The following N4BP2L2 variants were observed in gnomAD, a reference collection of about 807,000 sequenced individuals.
The protein encoded by N4BP2L2 is NEDD4 binding protein 2 like 2.
Under a neutral mutation model 56.2 loss-of-function variants are expected in N4BP2L2, and 50 were observed. The observed-to-expected ratio is 0.89, with a 90% CI of 0.71 to 1.13. N4BP2L2 has a LOEUF of 1.13. Among genes scored for constraint, N4BP2L2 ranks in the 50% most tolerant of loss-of-function variants. N4BP2L2 has a pLI of 0.00. For missense variants in N4BP2L2, 689 were observed against 693.8 expected, an observed-to-expected ratio of 0.99 and a Z score of 0.08; for synonymous variants, 203 against 223.6, an observed-to-expected ratio of 0.91 and a Z score of 0.82.
chr13:32,515,785 G>T (rs1338055145), exon 6 of N4BP2L2: 1 of 151,708 alleles, frequency 6.6e-6, no homozygotes, highest in Non-Finnish European at 1.5e-5. Flanking sequence ...CTCACAGGCT[G>T]GAGTGCAAGT....
chr13:32,436,230 G>A (rs1468747341), intron 9 of N4BP2L2: 34 of 434,676 alleles, frequency 7.8e-5, no homozygotes, highest in Non-Finnish European at 4.6e-5. Flanking sequence ...AGGTTGCTAT[G>A]GTAACAAACT....
At chr13:32,474,649 C>T (rs1045049431) in intron 6 of N4BP2L2, among the ~76,000 whole-genome samples, 2 of 152,074 alleles carry the variant, frequency 1.3e-5, no homozygotes, top group East Asian at 1.9e-4. Flanking sequence ...GAGCCAAGAT[C>T]GTGCCACTGC....
chr13:32,472,328 A>G (rs1255667401), intron 6 of N4BP2L2, among the ~76,000 whole-genome samples: 7 of 152,230 alleles, frequency 4.6e-5, no homozygotes. Context: ...CGTCAATACT[A>G]AGAAGATTCC....
At chr13:32,462,491 G>T (rs2080308924) in intron 6 of N4BP2L2, among the ~76,000 whole-genome samples, 1 of 152,036 alleles carries the variant, frequency 6.6e-6, no homozygotes, top group Non-Finnish European at 1.5e-5. Flanking sequence ...AGAGAGGTTG[G>T]TTAATGAGCA....
intron 6 of N4BP2L2, among the ~76,000 whole-genome samples, chr13:32,484,242 G>A (rs755772407): frequency 6.6e-6 from 1 of 152,052 alleles, no homozygotes; most frequent in East Asian, 1.9e-4. Flanking sequence ...TGGGAGGATT[G>A]CTTCAGCCTA....
intron 2 of N4BP2L2, among the ~76,000 whole-genome samples, chr13:32,532,811 G>C (rs747584380): frequency 6.6e-6 from 1 of 150,896 alleles, no homozygotes; most frequent in Non-Finnish European, 1.5e-5. Context: ...GGATGGTCTC[G>C]ATCTCTTGAC....
intron 1 of N4BP2L2, among the ~76,000 whole-genome samples, chr13:32,537,485 C>A (rs1428253427): frequency 6.6e-6 from 1 of 152,134 alleles, no homozygotes; most frequent in African/African-American, 2.4e-5. Context: ...TTACTTAAAA[C>A]CACTGTGTTT....
intron 6 of N4BP2L2, among the ~76,000 whole-genome samples, chr13:32,503,087 C>T (rs899338178): frequency 2.1e-5 from 3 of 143,762 alleles, no homozygotes; most frequent in African/African-American, 7.8e-5. Context: ...GCAGGAGAAT[C>T]GCTTGAACCC....
At chr13:32,463,379 A>G (rs1278740443) in intron 6 of N4BP2L2, among the ~76,000 whole-genome samples, 1 of 152,102 alleles carries the variant, frequency 6.6e-6, no homozygotes, top group African/African-American at 2.4e-5. Context: ...GAAAGGGCAC[A>G]TAGGCCAGGT....
chr13:32,481,297 A>G (rs922185249), intron 6 of N4BP2L2, among the ~76,000 whole-genome samples: 1 of 152,086 alleles, frequency 6.6e-6, no homozygotes, highest in African/African-American at 2.4e-5. Context: ...AAGAGAGTGC[A>G]TAGTCAAAGC....
chr13:32,453,426 T>C (rs2078441646), intron 6 of N4BP2L2, among the ~76,000 whole-genome samples: 1 of 151,918 alleles, frequency 6.6e-6, no homozygotes, highest in African/African-American at 2.4e-5. Context: ...GGGCAAAATG[T>C]TTAATCAAGA....
exon 6 of N4BP2L2, chr13:32,517,786 G>C: frequency 1.9e-6 from 3 of 1,611,476 alleles, no homozygotes; most frequent in South Asian, 2.2e-5. Context: ...AAATGTGTTA[G>C]CTGAAAATAG....
At chr13:32,478,170 C>T (rs1422217885) in intron 6 of N4BP2L2, 2 of 667,044 alleles carry the variant, frequency 3.0e-6, no homozygotes, top group African/African-American at 3.8e-5. Context: ...AGAACTTGGG[C>T]AGGTAAAACA....
At chr13:32,533,178 G>A (rs1042351875) in intron 2 of N4BP2L2, among the ~76,000 whole-genome samples, 3 of 151,980 alleles carry the variant, frequency 2.0e-5, no homozygotes, top group African/African-American at 7.3e-5. Flanking sequence ...AACTTTATAG[G>A]CTTCTCAAAT....
chr13:32,501,291 T>C (rs561582174), intron 6 of N4BP2L2, among the ~76,000 whole-genome samples: 2 of 152,202 alleles, frequency 1.3e-5, no homozygotes, highest in East Asian at 3.9e-4. Flanking sequence ...TAACTACAGA[T>C]AGGCTGATAT....
intron 6 of N4BP2L2, among the ~76,000 whole-genome samples, chr13:32,503,818 G>A (rs952574403): frequency 6.6e-6 from 1 of 152,176 alleles, no homozygotes; most frequent in African/African-American, 2.4e-5. Context: ...GACCGAGGCA[G>A]GAGGATCACT....
At chr13:32,445,017 G>A (rs2076828574) in intron 6 of N4BP2L2, among the ~76,000 whole-genome samples, 1 of 152,214 alleles carries the variant, frequency 6.6e-6, no homozygotes, top group Non-Finnish European at 1.5e-5. Context: ...GGGAAGCTGA[G>A]GTAGGTGGAT....
intron 3 of N4BP2L2, 103 bp downstream of exon 3, chr13:32,527,305 C>T: frequency 7.8e-7 from 1 of 1,274,352 alleles, no homozygotes; most frequent in Non-Finnish European, 1.1e-6. Flanking sequence ...AAACGGCTTG[C>T]CTACAGTCAT....
chr13:32,522,481 G>A (rs1419958798), intron 3 of N4BP2L2: 4 of 339,298 alleles, frequency 1.2e-5, no homozygotes, highest in African/African-American at 2.1e-5. Flanking sequence ...CTCCAGACTG[G>A]ATGCTGGCTT....
Sources: allele counts gnomAD v4.1 joint callset (sites outside exome capture counted in the v4.1 genomes callset), GRCh38; gene constraint gnomAD v4.1.1; transcripts MANE v1.5; gene names NCBI Gene and HGNC (gene_info 2026-07-23, HGNC 2026-07-21).